KCNQ4: variants seen among roughly 807,000 people sequenced by gnomAD.
KCNQ4 encodes the protein potassium voltage-gated channel subfamily KQT member 4.
KCNQ4 carries 31 observed loss-of-function variants against 72.6 expected under a neutral mutation model. The ratio of observed to expected loss-of-function variants is 0.43; its 90% CI spans 0.32 to 0.58. The LOEUF (loss-of-function observed/expected upper bound fraction) is 0.58. Among genes scored for constraint, KCNQ4 ranks in the 20% least tolerant of loss-of-function variants. The pLI is 0.08. For synonymous variants in KCNQ4, 405 were observed against 403.7 expected, an observed-to-expected ratio of 1.00 and a Z score of -0.04; for missense variants, 869 against 962.6, an observed-to-expected ratio of 0.90 and a Z score of 1.29.
At position 40,831,301 on chromosome 1, in the gene KCNQ4, G is replaced by C; in HGVS notation, c.1510G>C (p.Glu504Gln). ...GAGACTCAAACCCCGCACCTCTGCT[G>C]AGGGTAAGCCCCCGGGGGGCTGAGT... ...SLRLKPRTSA[E>Q]DAPSEEVAEE... is the part of the protein sequence containing the mutation. The change falls in exon 10 of 14, where the codon GAG (glutamate) becomes CAG (glutamine). Residue 504 changes from glutamate to glutamine, a missense_variant. Coordinates refer to ENST00000347132, the MANE Select transcript of KCNQ4 (RefSeq NM_004700.4). The C allele has an allele frequency of 6.3e-7, 1 of 1,594,240 alleles. No individual in the cohort carries two copies. Among genetic ancestry groups the C allele is most frequent in the Non-Finnish European group, 8.5e-7 (1 of 1,170,512 alleles).
Position 40,831,274 on chromosome 1 carries a change from C to G in KCNQ4, c.1483C>G (p.Leu495Val). ...FNDRTRFRAS[L>V]RLKPRTSAED... ...TGACCGCACCCGCTTCCGGGCATCT[C>G]TGAGACTCAAACCCCGCACCTCTGC... The change falls in exon 10 of 14, where the codon CTG (leucine) becomes GTG (valine). Residue 495 changes from leucine (L) to valine (V), a missense_variant. Leu to Val is a conservative substitution (Grantham distance 32). Transcript: ENST00000347132. The G allele has an allele frequency of 6.2e-7, 1 of 1,605,250 alleles. No homozygotes were observed. The highest frequency in any genetic ancestry group is 8.5e-7 in the Non-Finnish European group (1 of 1,176,106).
Position 40,822,412 on chromosome 1 carries a change from G to T in KCNQ4, c.1130+10G>T, listed in dbSNP as rs768600898. ...TCCTCCCATCCTTCAGGTAGGTCCT[G>T]CTGGGGGTGGGGGTGGGTGGGGGGC... On this transcript the variant is annotated intron_variant, in intron 8 of 13. Coordinates refer to ENST00000347132, the MANE Select transcript of KCNQ4 (RefSeq NM_004700.4). 1 of 1,556,618 alleles carries T rather than the reference G, an allele frequency of 6.4e-7. No individual in the cohort carries two copies. The highest frequency in any genetic ancestry group is 1.1e-5 in the South Asian group (1 of 89,084).
rs998553137 is a variant in KCNQ4 at position 40,788,402 on chromosome 1, G to A, written c.314+3995G>A. 3.9e-5 allele frequency among the ~76,000 whole-genome samples: 6 copies of A among 152,166 alleles called. No homozygotes were observed. The highest frequency in any genetic ancestry group is 5.9e-5 in the Non-Finnish European group (4 of 68,032). On this transcript the variant is annotated intron_variant, in intron 1 of 13. Coordinates refer to ENST00000347132, the MANE Select transcript of KCNQ4 (RefSeq NM_004700.4). This position sits in a 1 kb window ranked among gnomAD's most constrained non-coding sequence, Gnocchi z 4.5. ...GTTCGCTCCGTTCCTAGTGGCCACC[G>A]GGCTTGGCTCTTGGAGTCTGAAATG...
intron 1 of KCNQ4, among the ~76,000 whole-genome samples, chr1:40,805,381 A>G (rs1229615193): frequency 6.6e-6 from 1 of 152,122 alleles, no homozygotes; most frequent in Non-Finnish European, 1.5e-5. Flanking sequence ...TACCATAGCC[A>G]GTAGATGGTC....
At position 40,819,040 on chromosome 1, in the gene KCNQ4, G is replaced by GAACTTGGGCCTGAACTTTC. The variant is rs1553167374; in HGVS notation, c.709-305_709-304insCTTGGGCCTGAACTTTCAA. 5 of 550,820 alleles carry GAACTTGGGCCTGAACTTTC rather than the reference G, an allele frequency of 9.1e-6. No homozygotes were observed. The East Asian group carries it at 1.6e-4, about 18-fold the overall frequency. 34.1% of individuals were successfully genotyped at this position (550,820 alleles called of 1,614,324 possible). On this transcript the variant is annotated intron_variant, in intron 4 of 13. Transcript: ENST00000347132. ...GCGGGGCTAGGGTGGGCCCCAGGTG[G>GAACTTGGGCCTGAACTTTC]AAGCCTGAAAGTGGGACTTGGGGGA...
In KCNQ4 at chr1:40,837,737, C is replaced by G. The variant is rs139835231; in HGVS notation, c.1818C>G (p.Asp606Glu). 1,270 of 1,612,604 alleles carry G rather than the reference C, an allele frequency of 7.9e-4. 24 individuals carry two copies. In the East Asian group the frequency reaches 0.024, roughly 31 times the overall value. Reference protein sequence around the residue: ...AREKGDKGPSDAEVVDEISMM... With the variant: ...AREKGDKGPSEAEVVDEISMM... Reference sequence around the variant, plus strand: ...AGAAGGGCGACAAGGGGCCCTCCGACGCGGAGGTGGTGGATGAAATCAGCA... The same window carrying G: ...AGAAGGGCGACAAGGGGCCCTCCGAGGCGGAGGTGGTGGATGAAATCAGCA... Residue 606 changes from aspartate to glutamate, a missense_variant, in exon 13 of 14, where the codon GAC becomes GAG. Asp to Glu is a conservative substitution (Grantham distance 45). Around this residue, in one of 5 missense-constraint regions of KCNQ4, gnomAD observed 480 missense variants for 501.9 expected, o/e 0.96. Coordinates refer to ENST00000347132, the MANE Select transcript of KCNQ4 (RefSeq NM_004700.4).
chr1:40,826,327 A>G (rs866622685), intron 9 of KCNQ4, among the ~76,000 whole-genome samples: 2 of 152,180 alleles, frequency 1.3e-5, no homozygotes, highest in Middle Eastern at 3.4e-3. Context: ...TGGTCTCCAG[A>G]CCTCCTGCAT....
At chr1:40,804,577 A>G (rs1647698852) in intron 1 of KCNQ4, among the ~76,000 whole-genome samples, 1 of 152,138 alleles carries the variant, frequency 6.6e-6, no homozygotes, top group South Asian at 2.1e-4. Flanking sequence ...GCACTTTGGG[A>G]GATGGAGGCA....
chr1:40,805,806 C>G (rs1647739703), intron 1 of KCNQ4, among the ~76,000 whole-genome samples: 1 of 151,624 alleles, frequency 6.6e-6, no homozygotes. Flanking sequence ...GGATTTCACA[C>G]TTTTTAAAAA....
rs114891551 is a variant in KCNQ4, at chr1:40,818,462, G to A, written c.533-43G>A. On this transcript the variant is annotated intron_variant, in intron 3 of 13. Transcript: ENST00000347132. ...GAAGTCCCCGCCTCCGGGTCCGTGC[G>A]CGGGGTAGGCTGGCTGTGATCTCGC... 7.1e-4 allele frequency: 1,139 copies of A among 1,597,268 alleles called. 8 individuals carry two copies. The African/African-American group carries it at 0.013, about 18-fold the overall frequency.
intron 1 of KCNQ4, among the ~76,000 whole-genome samples, chr1:40,800,017 AGAGCCTGTACATGGTCCTCCTTGCT>A (rs1401508886): frequency 1.3e-5 from 2 of 152,196 alleles, no homozygotes; most frequent in Non-Finnish European, 2.9e-5. Flanking sequence ...ATATCAACCC[AGAGCCTGTACATGGTCCTCCTTGCT>A]CTAGAACACA....
chr1:40,837,336 T>G (rs1399052969), intron 12 of KCNQ4, among the ~76,000 whole-genome samples: 4 of 152,196 alleles, frequency 2.6e-5, no homozygotes, highest in Non-Finnish European at 5.9e-5. Flanking sequence ...AAGTGATACC[T>G]CCCTACCTAG....
intron 7 of KCNQ4, among the ~76,000 whole-genome samples, chr1:40,821,003 G>T (rs1337383938): frequency 2.0e-5 from 3 of 152,160 alleles, no homozygotes; most frequent in Non-Finnish European, 4.4e-5. Flanking sequence ...CACCCTCTGA[G>T]CCCCAAACCC....
At chr1:40,789,578 T>C (rs954413683) in intron 1 of KCNQ4, among the ~76,000 whole-genome samples, 7 of 152,130 alleles carry the variant, frequency 4.6e-5, no homozygotes, top group Non-Finnish European at 8.8e-5. Flanking sequence ...CTTTGCCTCC[T>C]TCTTCTGAAG....
At chr1:40,790,597 T>C (rs1647263493) in intron 1 of KCNQ4, among the ~76,000 whole-genome samples, 1 of 152,202 alleles carries the variant, frequency 6.6e-6, no homozygotes, top group Admixed American at 6.5e-5. Flanking sequence ...CTTCTTCATG[T>C]CACAGTTGAG....
At chr1:40,829,023 TC>T in intron 9 of KCNQ4, among the ~76,000 whole-genome samples, 1 of 152,380 alleles carries the variant, frequency 6.6e-6, no homozygotes, top group Middle Eastern at 3.4e-3. Flanking sequence ...AACTCCTTCC[TC>T]CATAAGTCCT....
At chr1:40,807,875 C>A (rs1466554698) in intron 1 of KCNQ4, among the ~76,000 whole-genome samples, 1 of 152,158 alleles carries the variant, frequency 6.6e-6, no homozygotes, top group African/African-American at 2.4e-5. Context: ...GAGTCACGCG[C>A]TCCCCAGGCC....
rs776756980 is a variant in KCNQ4, at chr1:40,831,289, C to G, written c.1498C>G (p.Arg500Gly). The G allele has an allele frequency of 3.1e-5, 49 of 1,600,266 alleles. No homozygotes were observed. The highest frequency in any genetic ancestry group is 4.0e-5 in the Non-Finnish European group (47 of 1,173,738). ...CCGGGCATCTCTGAGACTCAAACCC[C>G]GCACCTCTGCTGAGGGTAAGCCCCC... ...RFRASLRLKP[R>G]TSAEDAPSEE... The change falls in exon 10 of 14, where the codon CGC (arginine) becomes GGC (glycine). Residue 500 changes from arginine to glycine, a missense_variant. Physicochemically the swap from Arg to Gly is moderately radical, Grantham distance 125. Coordinates refer to ENST00000347132, the MANE Select transcript of KCNQ4 (RefSeq NM_004700.4).
At chr1:40,799,440 C>CA (rs923897717) in intron 1 of KCNQ4, among the ~76,000 whole-genome samples, 12 of 148,780 alleles carry the variant, frequency 8.1e-5, no homozygotes, top group African/African-American at 1.7e-4. Context: ...ATGCCCCCCC[C>CA]CTCGCTAGGC....
Sources: allele counts gnomAD v4.1 joint callset (sites outside exome capture counted in the v4.1 genomes callset), GRCh38; gene constraint gnomAD v4.1.1; regional missense constraint gnomAD v4.1.1; non-coding constraint Gnocchi (gnomAD v3.1); transcripts MANE v1.5; gene names NCBI Gene and HGNC (gene_info 2026-07-23, HGNC 2026-07-21).